Variants in PRUNE1 observed in about 807,000 individuals in gnomAD.
PRUNE1 encodes exopolyphosphatase PRUNE1.
In PRUNE1, 25 loss-of-function variants were observed where a neutral mutation model predicts 42.5. The observed-to-expected ratio is 0.59, with a 90% confidence interval of 0.43 to 0.82. PRUNE1 has a LOEUF of 0.82. Ranked by LOEUF, PRUNE1 falls within the 40% of genes least tolerant of loss-of-function variation. The pLI is 0.00. For missense variants in PRUNE1, 443 were observed against 539.3 expected (o/e 0.82, Z 1.77); for synonymous variants, 203 against 217.1 (o/e 0.93, Z 0.57).
At chr1:151,010,749 G>A (rs1052309138) in intron 1 of PRUNE1, among the ~76,000 whole-genome samples, 5 of 143,826 alleles carry the variant, frequency 3.5e-5, no homozygotes, top group African/African-American at 7.7e-5. Flanking sequence ...TCCACTTCCC[G>A]AATTCAAGCG....
chr1:151,025,743 TTA>T, intron 5 of PRUNE1, 70 bp downstream of exon 5: 3 of 1,401,430 alleles, frequency 2.1e-6, no homozygotes, highest in South Asian at 1.4e-5. Flanking sequence ...GTTCATTATA[TTA>T]TTTTTTTTTT....
At position 151,025,610 on chromosome 1, in the gene PRUNE1, C is replaced by T. The variant is rs1674781566; in HGVS notation, c.616C>T (p.Pro206Ser). The T allele has an allele frequency of 6.2e-7, 1 of 1,613,696 alleles. No individual in the cohort carries two copies. The highest frequency in any genetic ancestry group is 8.5e-7 in the Non-Finnish European group (1 of 1,179,818). The change falls in exon 5 of 8, where the codon CCA (proline) becomes TCA (serine). Residue 206 changes from proline to serine, a missense_variant. Pro to Ser is a moderately conservative substitution (Grantham distance 74). Coordinates refer to ENST00000271620, the MANE Select transcript of PRUNE1 (RefSeq NM_021222.3). ...TGTGGAGAAACTAGAGGCCCTTTTCCCAGACCTACCCAAGAGAAATGATAT... is the reference window on the plus strand; with the variant it reads ...TGTGGAGAAACTAGAGGCCCTTTTCTCAGACCTACCCAAGAGAAATGATAT... ...KYVEKLEALFPDLPKRNDIFD... is the reference protein window; with the variant it reads ...KYVEKLEALFSDLPKRNDIFD...
intron 1 of PRUNE1, among the ~76,000 whole-genome samples, chr1:151,015,715 G>T (rs1055445597): frequency 2.6e-5 from 4 of 151,536 alleles, no homozygotes; most frequent in Non-Finnish European, 5.9e-5. Flanking sequence ...GAGATGGGAG[G>T]ATCACCTGAG....
At chr1:151,020,793 A>G (rs989439012) in intron 3 of PRUNE1, among the ~76,000 whole-genome samples, 3 of 151,588 alleles carry the variant, frequency 2.0e-5, no homozygotes, top group African/African-American at 4.9e-5. Context: ...CATCCTGGCT[A>G]ACATGGTGAA....
At chr1:151,024,514 G>A (rs1408403424) in intron 3 of PRUNE1, 97 bp from the exon 4 acceptor site, 1 of 1,172,726 alleles carries the variant, frequency 8.5e-7, no homozygotes, top group African/African-American at 1.5e-5. Flanking sequence ...AAAGACATCT[G>A]CATTTTCCTT....
In PRUNE1 at chr1:151,025,531, C is replaced by T; in HGVS notation, c.537C>T (p.Asp179=). 1.9e-6 allele frequency: 3 copies of T among 1,613,862 alleles called. No homozygotes were observed. Among genetic ancestry groups the T allele is most frequent in the Non-Finnish European group, 2.5e-6 (3 of 1,179,920 alleles). ...TCTCCACAGGAACCATCATCCTGGA[C>T]TGTGTCAACATGGACCTTAAAATTG... ...AALLHGTIIL[D]CVNMDLKIGK... The change falls in exon 5 of 8, where the codon GAC becomes GAT. Residue 179 remains aspartate (D), a synonymous_variant. Coordinates refer to ENST00000271620, the MANE Select transcript of PRUNE1 (RefSeq NM_021222.3).
At chr1:151,020,666 A>G (rs1674359971) in intron 3 of PRUNE1, among the ~76,000 whole-genome samples, 1 of 152,082 alleles carries the variant, frequency 6.6e-6, no homozygotes, top group Non-Finnish European at 1.5e-5. Context: ...CGATTTTAGA[A>G]TAATGTATTA....
intron 6 of PRUNE1, among the ~76,000 whole-genome samples, chr1:151,027,775 TGTGTGTGC>T (rs1263879975): frequency 3.1e-4 from 44 of 141,206 alleles, no homozygotes; most frequent in Non-Finnish European, 4.4e-4. Flanking sequence ...TGTGTGTGTG[TGTGTGTGC>T]GCGCGCGTGT....
At chr1:151,017,403 T>C (rs587668259) in intron 1 of PRUNE1, among the ~76,000 whole-genome samples, 27 of 152,268 alleles carry the variant, frequency 1.8e-4, no homozygotes, top group African/African-American at 6.5e-4. Flanking sequence ...TTATTTGACC[T>C]ACCTCCTCTG....
chr1:151,028,584 C>T (rs71521202), intron 6 of PRUNE1, among the ~76,000 whole-genome samples: 2 of 152,164 alleles, frequency 1.3e-5, no homozygotes, highest in Admixed American at 6.6e-5. Context: ...CCCCCATGCC[C>T]GGCTAATTTT....
chr1:151,020,070 T>C (rs1267943466), intron 3 of PRUNE1, among the ~76,000 whole-genome samples: 3 of 141,760 alleles, frequency 2.1e-5, no homozygotes, highest in Non-Finnish European at 3.1e-5. Flanking sequence ...TGACCTCAGA[T>C]GATCTGCCCA....
At chr1:151,028,709 G>C in intron 6 of PRUNE1, 77 bp from the exon 7 acceptor site, 1 of 1,490,854 alleles carries the variant, frequency 6.7e-7, no homozygotes, top group East Asian at 2.3e-5. Flanking sequence ...AGGCGTAAGC[G>C]ACCGTGCCCG....
At chr1:151,015,206 G>A (rs921372759) in intron 1 of PRUNE1, among the ~76,000 whole-genome samples, 1 of 151,582 alleles carries the variant, frequency 6.6e-6, no homozygotes, top group African/African-American at 2.4e-5. Flanking sequence ...GCGCACGCCT[G>A]TAGTCTACTA....
rs587699983 is a variant in PRUNE1 at position 151,025,787 on chromosome 1, C to T, written c.679+114C>T. 1,104 of 1,103,304 alleles carry T rather than the reference C, an allele frequency of 1.0e-3. 1 individual carries two copies. Among genetic ancestry groups the T allele is most frequent in the Admixed American group, 1.7e-3 (71 of 41,372 alleles). 68.3% of individuals were successfully genotyped at this position (1,103,304 alleles called of 1,614,324 possible). On this transcript the variant is annotated intron_variant, in intron 5 of 7. Transcript: ENST00000271620. ...ACAGAGTCTTGCTCTGCCACCCAGG[C>T]TAGAGTGCAGTGGCACAATCTTGGC... is the stretch of plus-strand genomic sequence containing the variant.
In PRUNE1 at chr1:151,034,090, G is replaced by A. The variant is rs760751872; in HGVS notation, c.1218G>A (p.Pro406=). 8.1e-6 allele frequency: 13 copies of A among 1,614,044 alleles called. No homozygotes were observed. Among genetic ancestry groups the A allele is most frequent in the Admixed American group, 3.3e-5 (2 of 59,984 alleles). Residue 406 remains proline, a synonymous_variant, in exon 8 of 8, where the codon CCG becomes CCA. Transcript: ENST00000271620. The part of the protein sequence containing the change: ...SGLSQDEEDP[P]LPPTPMNSLV... ...TGAGTCAAGATGAGGAGGACCCTCCGCTGCCCCCGACGCCCATGAACAGCT... is the reference window on the plus strand; with the variant it reads ...TGAGTCAAGATGAGGAGGACCCTCCACTGCCCCCGACGCCCATGAACAGCT...
At chr1:151,020,323 T>C (rs1359421263) in intron 3 of PRUNE1, among the ~76,000 whole-genome samples, 3 of 151,826 alleles carry the variant, frequency 2.0e-5, no homozygotes, top group Admixed American at 2.0e-4. Flanking sequence ...TGGTAGTGCA[T>C]GCCTGTAGTC....
intron 4 of PRUNE1, 81 bp from the exon 5 acceptor site, chr1:151,025,434 T>C: frequency 7.4e-7 from 1 of 1,356,362 alleles, no homozygotes. Context: ...TGTGTCCATT[T>C]GGTGTGAAGG....
Position 151,028,493 on chromosome 1 carries a change from A to G in PRUNE1, c.775-293A>G, listed in dbSNP as rs370216035. ...GGCTGGAGTGCAATGGCGCAATCTC[A>G]GCTCACTGCAACTTCCGCCTCCCTG... On this transcript the variant is annotated intron_variant, in intron 6 of 7. Coordinates refer to ENST00000271620, the MANE Select transcript of PRUNE1 (RefSeq NM_021222.3). Among the ~76,000 whole-genome samples, 8 of 151,986 alleles carry G rather than the reference A, an allele frequency of 5.3e-5. No individual in the cohort carries two copies. In the East Asian group the frequency reaches 7.7e-4, roughly 15 times the overall value.
At chr1:151,021,986 A>G (rs1674476450) in intron 3 of PRUNE1, among the ~76,000 whole-genome samples, 1 of 145,482 alleles carries the variant, frequency 6.9e-6, no homozygotes, top group Non-Finnish European at 1.5e-5. Context: ...TTTTTAAGAG[A>G]TGGTGTCTCT....
Sources: gnomAD v4.1 joint callset for allele counts (sites outside exome capture counted in the v4.1 genomes callset) on GRCh38, gnomAD v4.1.1 for gene constraint, MANE v1.5 for transcripts, NCBI Gene and HGNC (gene_info 2026-07-23, HGNC 2026-07-21) for gene names.